RTL4: variants seen among roughly 807,000 people sequenced by gnomAD.
RTL4 encodes the protein retrotransposon Gag-like protein 4.
Under a neutral mutation model 5.3 loss-of-function variants are expected in RTL4, and 4 were observed. The observed-to-expected ratio is 0.75, with a 90% CI of 0.37 to 1.72. The LOEUF (loss-of-function observed/expected upper bound fraction) is 1.72, where lower values mean the gene tolerates loss of function less well. Ranked by LOEUF, RTL4 falls within the 40% of genes most tolerant of loss-of-function variation. The pLI is 0.04. For synonymous variants in RTL4, 98 were observed against 87.3 expected, an observed-to-expected ratio of 1.12 and a Z score of -0.68; for missense variants, 260 against 227.1, an observed-to-expected ratio of 1.14 and a Z score of -0.93.
At chrX:112,364,565 G>A in the RTL4 span, among the ~76,000 whole-genome samples, 2 of 111,080 alleles carry the variant, frequency 1.8e-5, no homozygotes, top group East Asian at 2.9e-4. Context: ...GACTGGTGAG[G>A]GGTGGTGATG....
the RTL4 span, among the ~76,000 whole-genome samples, chrX:112,301,518 T>C: frequency 9.0e-6 from 1 of 111,650 alleles, no homozygotes; most frequent in Non-Finnish European, 1.9e-5. Context: ...AATGAAGTCA[T>C]GTGCAAGGGA....
chrX:112,382,575 T>A, the RTL4 span, among the ~76,000 whole-genome samples: 1 of 112,513 alleles, frequency 8.9e-6, no homozygotes, highest in Non-Finnish European at 1.9e-5. Flanking sequence ...AGCTAAATTA[T>A]ATTTCTTTAT....
the RTL4 span, among the ~76,000 whole-genome samples, chrX:112,319,438 T>C: frequency 7.1e-5 from 8 of 112,158 alleles, no homozygotes; most frequent in East Asian, 2.2e-3. Flanking sequence ...GCACTCTCCA[T>C]AGTAATAGAA....
At chrX:112,366,678 A>AT in the RTL4 span, among the ~76,000 whole-genome samples, 1 of 111,641 alleles carries the variant, frequency 9.0e-6, no homozygotes, top group Non-Finnish European at 1.9e-5. Context: ...TAGCCCCCCT[A>AT]TTTTTTTGTA....
chrX:112,119,809 G>T, the RTL4 span, among the ~76,000 whole-genome samples: 3,448 of 111,289 alleles, frequency 0.031, 150 homozygotes, highest in African/African-American at 0.11. Flanking sequence ...AAACTTGAGA[G>T]CCCAGATGAT....
At chrX:112,226,863 G>C in the RTL4 span, among the ~76,000 whole-genome samples, 4 of 108,474 alleles carry the variant, frequency 3.7e-5, no homozygotes, top group East Asian at 1.1e-3. Flanking sequence ...TTGAGCCCAA[G>C]AGGCGGAGGT....
At chrX:112,188,999 T>C in the RTL4 span, among the ~76,000 whole-genome samples, 1 of 111,430 alleles carries the variant, frequency 9.0e-6, no homozygotes, top group African/African-American at 3.3e-5. Flanking sequence ...TGATTCCTTT[T>C]ACCATCTATT....
the RTL4 span, among the ~76,000 whole-genome samples, chrX:112,099,083 C>T: frequency 8.9e-6 from 1 of 112,084 alleles, no homozygotes; most frequent in East Asian, 2.8e-4. Context: ...AAACCACCAT[C>T]AGAGTGAACA....
the RTL4 span, among the ~76,000 whole-genome samples, chrX:112,291,648 G>A: frequency 2.7e-5 from 3 of 109,499 alleles, no homozygotes; most frequent in Non-Finnish European, 5.7e-5. Context: ...CCAGGCTGGA[G>A]TGCAGTGGCA....
At chrX:112,403,640 G>A in the RTL4 span, among the ~76,000 whole-genome samples, 1 of 111,867 alleles carries the variant, frequency 8.9e-6, no homozygotes, top group Non-Finnish European at 1.9e-5. Context: ...GATATTTATC[G>A]CTCCTGATAT....
chrX:112,329,122 T>A, the RTL4 span, among the ~76,000 whole-genome samples: 1 of 110,003 alleles, frequency 9.1e-6, no homozygotes, highest in Non-Finnish European at 1.9e-5. Context: ...AGCAAACACA[T>A]TCAAAAGCTA....
the RTL4 span, among the ~76,000 whole-genome samples, chrX:112,312,098 A>G: frequency 9.0e-6 from 1 of 111,722 alleles, no homozygotes; most frequent in Non-Finnish European, 1.9e-5. Context: ...TATTCCCAGC[A>G]TAGGTAATAA....
At chrX:112,390,158 TA>T in the RTL4 span, among the ~76,000 whole-genome samples, 1 of 56,804 alleles carries the variant, frequency 1.8e-5, no homozygotes, top group African/African-American at 6.8e-5. Context: ...TATATATATA[TA>T]TTTAGGATCG....
the RTL4 span, among the ~76,000 whole-genome samples, chrX:112,333,063 CT>C: frequency 5.5e-5 from 6 of 109,285 alleles, no homozygotes; most frequent in East Asian, 1.4e-3. Flanking sequence ...CTTTACCTGT[CT>C]TCTGGTTACT....
the RTL4 span, among the ~76,000 whole-genome samples, chrX:112,175,130 T>C: frequency 9.3e-6 from 1 of 107,936 alleles, no homozygotes; most frequent in Non-Finnish European, 1.9e-5. Context: ...TTGCCTTTGG[T>C]ATTTTAGACA....
exon 1 of RTL4, chrX:112,456,352 A>C: frequency 3.2e-6 from 1 of 308,816 alleles, no homozygotes. Context: ...TGGGCATTTG[A>C]ATACTGCTTG....
chrX:112,248,781 T>A, the RTL4 span, among the ~76,000 whole-genome samples: 2 of 111,969 alleles, frequency 1.8e-5, no homozygotes, highest in Non-Finnish European at 3.8e-5. Context: ...TAGGGGGTAG[T>A]GAAACTCAGA....
chrX:112,217,427 C>G, the RTL4 span, among the ~76,000 whole-genome samples: 1 of 111,709 alleles, frequency 9.0e-6, no homozygotes, highest in South Asian at 3.8e-4. Context: ...TTGCTAATTC[C>G]TAATAGGGAG....
At chrX:112,160,059 T>C in the RTL4 span, among the ~76,000 whole-genome samples, 2 of 111,689 alleles carry the variant, frequency 1.8e-5, no homozygotes, top group African/African-American at 6.5e-5. Flanking sequence ...GGGCTGCATG[T>C]TGTTTGTCTT....
Sources: gnomAD v4.1 joint callset for allele counts (sites outside exome capture counted in the v4.1 genomes callset) on GRCh38, gnomAD v4.1.1 for gene constraint, MANE v1.5 for transcripts, NCBI Gene and HGNC (gene_info 2026-07-23, HGNC 2026-07-21) for gene names.